FAM78B: variants seen among roughly 807,000 people sequenced by gnomAD.
The protein encoded by FAM78B is protein FAM78B.
Under a neutral mutation model 20.0 loss-of-function variants are expected in FAM78B, and 10 were observed. The ratio of observed to expected loss-of-function variants is 0.50; its 90% CI spans 0.31 to 0.85. The LOEUF is 0.85. FAM78B is among the 40% of genes least tolerant of loss of function. The pLI, the probability that FAM78B is intolerant of heterozygous loss-of-function variation, is 0.05. For synonymous variants in FAM78B, 135 were observed against 132.8 expected (o/e 1.02, Z -0.12); for missense variants, 283 against 345.0 (o/e 0.82, Z 1.42).
chr1:166,070,122 G>A lies in FAM78B; in HGVS notation c.*119C>T, dbSNP rs1571129675. 2 of 1,400,342 alleles carry A rather than the reference G, an allele frequency of 1.4e-6. No individual in the cohort carries two copies. Among genetic ancestry groups the A allele is most frequent in the East Asian group, 4.8e-5 (2 of 41,670 alleles). 86.7% of individuals were successfully genotyped at this position (1,400,342 alleles called of 1,614,324 possible). A position where few individuals can be genotyped will look rare whatever the true frequency, so the allele number is the denominator to read the frequency against. On this transcript the variant is annotated 3_prime_UTR_variant, in exon 2 of 2. Transcript: ENST00000354422. ...CTACTCTTCAAAAGTGGCTGCAAAG[G>A]CTGGCAAACCGAGAGGTCTGCTTTG...
chr1:166,118,270 G>A (rs1221438329), intron 1 of FAM78B, among the ~76,000 whole-genome samples: 2 of 152,140 alleles, frequency 1.3e-5, no homozygotes. Flanking sequence ...TTGTCGAGGA[G>A]CTTTCAGCAT....
intron 1 of FAM78B, among the ~76,000 whole-genome samples, chr1:166,153,703 C>T (rs16856659): frequency 0.025 from 3,790 of 152,222 alleles, 227 homozygotes; most frequent in Admixed American, 0.13. Flanking sequence ...CACATGACAT[C>T]GCCCTGGATT....
chr1:166,118,456 T>C (rs79769160), intron 1 of FAM78B, among the ~76,000 whole-genome samples: 4,134 of 152,286 alleles, frequency 0.027, 256 homozygotes, highest in Admixed American at 0.14. Context: ...TTTGTCTTCA[T>C]AAGATAAAAC....
intron 1 of FAM78B, among the ~76,000 whole-genome samples, chr1:166,103,308 G>A (rs1653605469): frequency 6.6e-6 from 1 of 152,134 alleles, no homozygotes; most frequent in Non-Finnish European, 1.5e-5. Flanking sequence ...AGAAGCAAGG[G>A]CAAACACATT....
chr1:166,102,719 A>G (rs1210465995), intron 1 of FAM78B, among the ~76,000 whole-genome samples: 2 of 152,212 alleles, frequency 1.3e-5, no homozygotes, highest in African/African-American at 2.4e-5. Context: ...AAGTCCTTAG[A>G]GACCTACAAA....
At chr1:166,128,214 T>TCATTC (rs112153699) in intron 1 of FAM78B, among the ~76,000 whole-genome samples, 3 of 152,014 alleles carry the variant, frequency 2.0e-5, no homozygotes, top group Non-Finnish European at 2.9e-5. Flanking sequence ...CTCTTTTATT[T>TCATTC]ATTCATTCAT....
intron 1 of FAM78B, among the ~76,000 whole-genome samples, chr1:166,134,444 C>G (rs968856763): frequency 6.6e-6 from 1 of 152,008 alleles, no homozygotes; most frequent in Admixed American, 6.6e-5. Context: ...CTGAGTACCC[C>G]CTAGCTTTTC....
At position 166,157,047 on chromosome 1, in the gene FAM78B, G is replaced by C. The variant is rs1392641042; in HGVS notation, c.263+8939C>G. Among the ~76,000 whole-genome samples, 13 of 87,872 alleles carry C rather than the reference G, an allele frequency of 1.5e-4. 1 individual carries two copies. Among genetic ancestry groups the C allele is most frequent in the Non-Finnish European group, 3.0e-4 (12 of 40,110 alleles). 57.6% of individuals were successfully genotyped at this position (87,872 alleles called of 152,430 possible). ...CAAGGGGGCGGCGGAGGGGGGGGGG[G>C]GGCTCCAATGCCTTCCTCTGAGTTT... On this transcript the variant is annotated intron_variant, in intron 1 of 1. Transcript: ENST00000354422.
chr1:166,160,900 G>T (rs77550427), intron 1 of FAM78B, among the ~76,000 whole-genome samples: 6 of 152,250 alleles, frequency 3.9e-5, no homozygotes, highest in Admixed American at 2.0e-4. Flanking sequence ...TAAGAACAGC[G>T]CATCTTGAAG....
chr1:166,139,832 G>A (rs1283072998), intron 1 of FAM78B, among the ~76,000 whole-genome samples: 1 of 152,204 alleles, frequency 6.6e-6, no homozygotes, highest in East Asian at 1.9e-4. Context: ...GAACCAGAGA[G>A]CTCATAAGAG....
At chr1:166,107,479 T>C (rs1185427862) in intron 1 of FAM78B, among the ~76,000 whole-genome samples, 2 of 151,924 alleles carry the variant, frequency 1.3e-5, no homozygotes, top group Non-Finnish European at 2.9e-5. Flanking sequence ...AACAGACCAA[T>C]AACAAGCAGA....
chr1:166,091,627 G>A (rs1408771312), intron 1 of FAM78B, among the ~76,000 whole-genome samples: 2 of 152,104 alleles, frequency 1.3e-5, no homozygotes, highest in African/African-American at 2.4e-5. Context: ...TAATACAGAT[G>A]GTATCTCAAG....
intron 1 of FAM78B, among the ~76,000 whole-genome samples, chr1:166,091,487 G>C (rs1653071483): frequency 6.6e-6 from 1 of 152,202 alleles, no homozygotes; most frequent in Non-Finnish European, 1.5e-5. Context: ...GTGATTAGCT[G>C]CTCCTTGCCT....
intron 1 of FAM78B, among the ~76,000 whole-genome samples, chr1:166,127,654 C>T (rs1041635092): frequency 1.3e-5 from 2 of 152,108 alleles, no homozygotes; most frequent in Non-Finnish European, 2.9e-5. Flanking sequence ...AAATGTATTG[C>T]CAGTTTGAAC....
At chr1:166,121,509 G>A (rs1268291444) in intron 1 of FAM78B, among the ~76,000 whole-genome samples, 1 of 152,168 alleles carries the variant, frequency 6.6e-6, no homozygotes, top group African/African-American at 2.4e-5. Flanking sequence ...TGTGTTCTTG[G>A]CCCTTCAGAG....
At chr1:166,103,168 T>C (rs1270817994) in intron 1 of FAM78B, among the ~76,000 whole-genome samples, 2 of 152,064 alleles carry the variant, frequency 1.3e-5, no homozygotes, top group Non-Finnish European at 2.9e-5. Flanking sequence ...GGAACAAAGA[T>C]ACAACATACC....
intron 1 of FAM78B, among the ~76,000 whole-genome samples, chr1:166,073,621 G>A (rs1652143865): frequency 6.6e-6 from 1 of 150,782 alleles, no homozygotes; most frequent in Non-Finnish European, 1.5e-5. Context: ...TTTGGTAATG[G>A]TTTTTCGAGA....
At chr1:166,126,130 G>A (rs763916634) in intron 1 of FAM78B, among the ~76,000 whole-genome samples, 6 of 152,004 alleles carry the variant, frequency 3.9e-5, no homozygotes, top group Admixed American at 2.6e-4. Context: ...CACTGTGCCC[G>A]GCCTATTACT....
rs370877234 is a variant in FAM78B, at chr1:166,092,157, T to TA, written c.264-21395dup. Among the ~76,000 whole-genome samples the TA allele has an allele frequency of 9.8e-4, 149 of 152,212 alleles. 1 individual carries two copies. The highest frequency in any genetic ancestry group is 3.5e-3 in the African/African-American group (144 of 41,520). On this transcript the variant is annotated intron_variant, in intron 1 of 1. Transcript: ENST00000354422. ...TGATCTGCCCAAAATACCTGTAGTA[T>TA]ACTTGGTAAACATGAGCCAGAAATA... is the stretch of plus-strand genomic sequence containing the variant.
Sources: gnomAD v4.1 joint callset for allele counts (sites outside exome capture counted in the v4.1 genomes callset) on GRCh38, gnomAD v4.1.1 for gene constraint, MANE v1.5 for transcripts, NCBI Gene and HGNC (gene_info 2026-07-23, HGNC 2026-07-21) for gene names.